COL6A6: variants seen among roughly 807,000 people sequenced by gnomAD.
COL6A6 encodes the protein collagen alpha-6(VI) chain.
A neutral mutation model predicts 208.6 loss-of-function variants in COL6A6; 183 were observed. The observed-to-expected ratio is 0.88, with a 90% CI of 0.78 to 0.99. The LOEUF (loss-of-function observed/expected upper bound fraction) is 0.99, where lower values mean the gene tolerates loss of function less well. COL6A6 is among the 50% of genes least tolerant of loss of function. The probability of loss-of-function intolerance (pLI) is 0.00; values close to 1 mark genes in which losing one functional copy is unlikely to be tolerated. For synonymous variants in COL6A6, 973 were observed against 1,011.8 expected (o/e 0.96, Z 0.73); for missense variants, 2,816 against 2,815.2 (o/e 1.00, Z -0.01).
Position 130,675,485 on chromosome 3 carries a change from C to A in COL6A6, c.*88C>A. On this transcript the variant is annotated 3_prime_UTR_variant, in exon 37 of 37. Coordinates refer to ENST00000358511, the MANE Select transcript of COL6A6 (RefSeq NM_001102608.3). ...AAATCTGCTGCCAGAACTCAAGCAA[C>A]AGTTTGTAGGTTATCAGGTGACTTG... The A allele has an allele frequency of 2.0e-6, 2 of 980,676 alleles. No homozygotes were observed. The highest frequency in any genetic ancestry group is 2.6e-5 in the East Asian group (1 of 38,028). The allele number at this position is 980,676 out of a possible 1,614,324, so 60.7% of individuals were successfully genotyped here.
At chr3:130,660,716 C>T (rs140065206) in intron 34 of COL6A6, among the ~76,000 whole-genome samples, 7 of 152,328 alleles carry the variant, frequency 4.6e-5, no homozygotes, top group Admixed American at 1.3e-4. Flanking sequence ...GTTACTGAAA[C>T]GAGACCAGAA....
At chr3:130,542,061 C>T (rs945352686) in intron 1 of COL6A6, among the ~76,000 whole-genome samples, 42 of 151,146 alleles carry the variant, frequency 2.8e-4, no homozygotes, top group African/African-American at 9.9e-4. Context: ...TCTTAGTTAG[C>T]CTGGCTAAAG....
chr3:130,627,408 A>AT (rs1188477781), intron 26 of COL6A6, 39 bp downstream of exon 26: 48 of 1,598,708 alleles, frequency 3.0e-5, no homozygotes, highest in Non-Finnish European at 3.9e-5. Context: ...TTTTCCATTT[A>AT]TTTTTTGTTG....
At chr3:130,600,087 A>G (rs1285122379) in intron 20 of COL6A6, among the ~76,000 whole-genome samples, 1 of 152,204 alleles carries the variant, frequency 6.6e-6, no homozygotes, top group Non-Finnish European at 1.5e-5. Flanking sequence ...AAAGTGGTCA[A>G]AGTGTGGCCT....
chr3:130,666,996 G>T lies in COL6A6; in HGVS notation c.6596+1900G>T, dbSNP rs187466007. ...TAGGCTGGTAGGTGATTTATCAATT[G>T]TAACAGTGGAAACCACAAAACTATT... On this transcript the variant is annotated intron_variant, in intron 36 of 36. Transcript: ENST00000358511. 2.4e-3 allele frequency among the ~76,000 whole-genome samples: 362 copies of T among 152,268 alleles called. 1 individual carries two copies. Among genetic ancestry groups the T allele is most frequent in the Non-Finnish European group, 3.1e-3 (213 of 68,022 alleles).
chr3:130,624,869 A>C (rs190555428), intron 24 of COL6A6, among the ~76,000 whole-genome samples: 11 of 152,300 alleles, frequency 7.2e-5, no homozygotes, highest in Admixed American at 7.2e-4. Context: ...ACTTACCCCT[A>C]CCTTACTCCA....
chr3:130,593,041 AATC>A lies in COL6A6; in HGVS notation c.4372-17_4372-15del. ...ACATGCACGTGATGTACTCTGTTCT[AATC>A]ATATCTATCTTTTCAGGGAGAAGTT... is the stretch of plus-strand genomic sequence containing the variant. On this transcript the variant is annotated splice_polypyrimidine_tract_variant and intron_variant, in intron 15 of 36. Coordinates refer to ENST00000358511, the MANE Select transcript of COL6A6 (RefSeq NM_001102608.3). The A allele has an allele frequency of 6.2e-7, 1 of 1,609,498 alleles. No individual in the cohort carries two copies. The highest frequency in any genetic ancestry group is 8.5e-7 in the Non-Finnish European group (1 of 1,175,910).
At chr3:130,565,697 T>G in intron 4 of COL6A6, 83 bp downstream of exon 4, 1 of 1,434,198 alleles carries the variant, frequency 7.0e-7, no homozygotes, top group African/African-American at 1.4e-5. Flanking sequence ...GTGGATTGGC[T>G]TGGGAAGATG....
Position 130,571,054 on chromosome 3 carries a change from C to A in COL6A6, c.2638C>A (p.Gln880Lys). The A allele has an allele frequency of 1.2e-6, 2 of 1,613,796 alleles. No individual in the cohort carries two copies. Among genetic ancestry groups the A allele is most frequent in the Non-Finnish European group, 1.7e-6 (2 of 1,179,802 alleles). Residue 880 changes from glutamine (Q) to lysine (K), a missense_variant, in exon 7 of 37, where the codon CAA becomes AAA. By Grantham distance (53) the Gln-to-Lys change is moderately conservative (BLOSUM62 1). Coordinates refer to ENST00000358511, the MANE Select transcript of COL6A6 (RefSeq NM_001102608.3). ...LEVISVLQND[Q>K]AMGGSTYTAE... is the part of the protein sequence containing the mutation. The stretch of plus-strand genomic sequence containing the variant: ...GGTAATTTCAGTGCTCCAGAATGAC[C>A]AAGCCATGGGTGGCAGTACTTATAC...
intron 36 of COL6A6, 114 bp from the exon 37 acceptor site, chr3:130,675,088 A>G: frequency 1.5e-6 from 1 of 670,912 alleles, no homozygotes; most frequent in Non-Finnish European, 2.3e-6. Flanking sequence ...ACCCTGGAGG[A>G]AGGCTGCAAC....
chr3:130,600,416 G>A (rs375304655), intron 20 of COL6A6, among the ~76,000 whole-genome samples: 37 of 152,178 alleles, frequency 2.4e-4, no homozygotes, highest in African/African-American at 5.8e-4. Context: ...ACATGTACAC[G>A]TATGTTTATT....
intron 23 of COL6A6, among the ~76,000 whole-genome samples, chr3:130,614,274 T>G (rs907740544): frequency 6.6e-6 from 1 of 152,178 alleles, no homozygotes; most frequent in Admixed American, 6.5e-5. Context: ...AATCATGTAG[T>G]TTTTGTTTTT....
In COL6A6 at chr3:130,594,359, G is replaced by A; in HGVS notation, c.4533+16G>A. 1 of 1,604,996 alleles carries A rather than the reference G, an allele frequency of 6.2e-7. No homozygotes were observed. The highest frequency in any genetic ancestry group is 8.5e-7 in the Non-Finnish European group (1 of 1,174,442). ...AGGGGATCCCGTAAGTGCACGGGCT[G>A]CAAACTGGAGTTAGGGCTTGATTCC... On this transcript the variant is annotated intron_variant, in intron 18 of 36. Transcript: ENST00000358511.
intron 1 of COL6A6, among the ~76,000 whole-genome samples, chr3:130,518,753 G>A (rs1040081904): frequency 7.2e-5 from 11 of 152,080 alleles, no homozygotes; most frequent in Non-Finnish European, 7.4e-5. Context: ...TGATCCGCCC[G>A]CCTCAGCCTC....
At chr3:130,538,099 C>T (rs2062267423) in intron 1 of COL6A6, among the ~76,000 whole-genome samples, 1 of 152,192 alleles carries the variant, frequency 6.6e-6, no homozygotes, top group East Asian at 1.9e-4. Flanking sequence ...TCAAGGAAAG[C>T]AATATGATAT....
intron 36 of COL6A6, among the ~76,000 whole-genome samples, chr3:130,672,640 G>C (rs1439531323): frequency 4.6e-5 from 7 of 151,820 alleles, no homozygotes; most frequent in African/African-American, 1.7e-4. Flanking sequence ...CTGACCTCAA[G>C]TGATCCAACT....
At chr3:130,634,533 T>C (rs771267470) in intron 26 of COL6A6, 57 bp from the exon 27 acceptor site, 83 of 1,484,996 alleles carry the variant, frequency 5.6e-5, no homozygotes, top group Admixed American at 2.1e-4. Context: ...TGAAAATCAA[T>C]GTAGACTTCA....
Position 130,568,378 on chromosome 3 carries a change from T to C in COL6A6, c.2175T>C (p.Phe725=), listed in dbSNP as rs2063081679. The C allele has an allele frequency of 3.1e-6, 5 of 1,613,842 alleles. No homozygotes were observed. The Admixed American group carries it at 5.0e-5, about 16-fold the overall frequency. Residue 725 remains phenylalanine (F), a synonymous_variant, in exon 6 of 37, where the codon TTT becomes TTC. Coordinates refer to ENST00000358511, the MANE Select transcript of COL6A6 (RefSeq NM_001102608.3). ...TKGARPNIRK[F]LILITDGEAQ... is the part of the protein sequence containing the mutation. ...GCGCCCGGCCCAACATCAGAAAGTT[T>C]CTCATCCTCATCACGGATGGTGAAG...
At position 130,592,721 on chromosome 3, in the gene COL6A6, A is replaced by T; in HGVS notation, c.4370A>T (p.Glu1457Val). ...GGAAACAGAGGACTAAATGGACAGG[A>T]GGTATGTTACCAGGCACATCCATTT... Reference protein sequence around the residue: ...PKGNRGLNGQEGEVGENGIDG... With the variant: ...PKGNRGLNGQVGEVGENGIDG... The change falls in exon 15 of 37, where the codon GAG (glutamate) becomes GTG (valine). Residue 1457 changes from glutamate (E) to valine (V), a missense_variant and splice_region_variant. Coordinates refer to ENST00000358511, the MANE Select transcript of COL6A6 (RefSeq NM_001102608.3). 2.5e-6 allele frequency: 4 copies of T among 1,611,506 alleles called. No homozygotes were observed. Among genetic ancestry groups the T allele is most frequent in the Non-Finnish European group, 3.4e-6 (4 of 1,178,244 alleles).
Sources: allele counts gnomAD v4.1 joint callset (sites outside exome capture counted in the v4.1 genomes callset), GRCh38; gene constraint gnomAD v4.1.1; transcripts MANE v1.5; gene names NCBI Gene and HGNC (gene_info 2026-07-23, HGNC 2026-07-21).